Variants in LRRTM4 observed in about 807,000 individuals in gnomAD.
LRRTM4 encodes leucine rich repeat transmembrane neuronal 4.
LRRTM4 carries 25 observed loss-of-function variants against 47.6 expected under a neutral mutation model. That is an observed-to-expected ratio of 0.53 (90% CI 0.38 to 0.73). LRRTM4 has a LOEUF of 0.73. LRRTM4 is among the 30% of genes least tolerant of loss of function. The pLI is 0.00. For synonymous variants in LRRTM4, 311 were observed against 269.5 expected (o/e 1.15, Z -1.51); for missense variants, 638 against 713.4 (o/e 0.89, Z 1.20).
At chr2:77,152,825 T>C (rs1431497017) in intron 3 of LRRTM4, among the ~76,000 whole-genome samples, 1 of 152,126 alleles carries the variant, frequency 6.6e-6, no homozygotes, top group Non-Finnish European at 1.5e-5. Flanking sequence ...CAATTTACAG[T>C]TATATAAATG....
chr2:76,858,495 C>T (rs918686461), intron 3 of LRRTM4, among the ~76,000 whole-genome samples: 6 of 152,042 alleles, frequency 3.9e-5, no homozygotes, highest in South Asian at 2.1e-4. Context: ...CCTAGGTCCT[C>T]GGGGAGGAGT....
chr2:77,003,955 G>T lies in LRRTM4; in HGVS notation c.1552-255039C>A, dbSNP rs1270871187. Reference sequence around the variant, plus strand: ...AAAACTTGTTGGGAGCTGGAACAAAGGTCACTCTTCCTATGCAAAGAAACT... The same window carrying T: ...AAAACTTGTTGGGAGCTGGAACAAATGTCACTCTTCCTATGCAAAGAAACT... On this transcript the variant is annotated intron_variant, in intron 3 of 3. Coordinates refer to ENST00000409884, the MANE Select transcript of LRRTM4 (RefSeq NM_001134745.3). 1.3e-5 allele frequency among the ~76,000 whole-genome samples: 2 copies of T among 152,138 alleles called. 1 individual carries two copies. The highest frequency in any genetic ancestry group is 2.9e-5 in the Non-Finnish European group (2 of 68,010).
At chr2:77,419,549 C>A (rs1473271511) in intron 3 of LRRTM4, among the ~76,000 whole-genome samples, 1 of 151,928 alleles carries the variant, frequency 6.6e-6, no homozygotes, top group East Asian at 1.9e-4. Context: ...GCTTAGGAAA[C>A]AATGACAAGA....
At chr2:77,438,237 G>T (rs1203431646) in intron 3 of LRRTM4, among the ~76,000 whole-genome samples, 2 of 151,946 alleles carry the variant, frequency 1.3e-5, no homozygotes, top group East Asian at 3.9e-4. Context: ...TCTTGATATT[G>T]ATTGTATAAC....
intron 3 of LRRTM4, among the ~76,000 whole-genome samples, chr2:76,873,384 T>C (rs72821234): frequency 3.0e-4 from 45 of 151,472 alleles, no homozygotes; most frequent in Non-Finnish European, 5.2e-4. Flanking sequence ...ACACACATTA[T>C]ATAAATATAT....
intron 3 of LRRTM4, among the ~76,000 whole-genome samples, chr2:76,861,455 T>G (rs116651363): frequency 0.014 from 2,156 of 152,248 alleles, 72 homozygotes; most frequent in African/African-American, 0.048. Context: ...ATCAAAATCA[T>G]CTGGTTAATT....
chr2:77,185,053 T>G (rs1336464295), intron 3 of LRRTM4, among the ~76,000 whole-genome samples: 2 of 152,156 alleles, frequency 1.3e-5, no homozygotes, highest in African/African-American at 2.4e-5. Flanking sequence ...GGACCAAAAT[T>G]AATACTTCTG....
intron 3 of LRRTM4, among the ~76,000 whole-genome samples, chr2:77,242,545 A>G (rs141396944): frequency 6.6e-6 from 1 of 152,170 alleles, no homozygotes; most frequent in African/African-American, 2.4e-5. Flanking sequence ...CAAATGACCA[A>G]TAAGTACATG....
intron 3 of LRRTM4, among the ~76,000 whole-genome samples, chr2:77,292,780 T>C (rs12328844): frequency 0.11 from 16,610 of 150,882 alleles, 1,855 homozygotes; most frequent in African/African-American, 0.28. Context: ...CACACCAGCA[T>C]GGCACATGTA....
At chr2:76,873,255 A>G (rs1358982023) in intron 3 of LRRTM4, among the ~76,000 whole-genome samples, 1 of 151,958 alleles carries the variant, frequency 6.6e-6, no homozygotes, top group Non-Finnish European at 1.5e-5. Context: ...TTTAAAGACA[A>G]GAGGAAACCC....
chr2:77,219,581 A>G (rs1037151150), intron 3 of LRRTM4, among the ~76,000 whole-genome samples: 6 of 152,190 alleles, frequency 3.9e-5, no homozygotes, highest in Non-Finnish European at 7.3e-5. Context: ...CTACAATCAG[A>G]CTAATAAAAG....
chr2:76,774,589 T>C (rs926116827), intron 3 of LRRTM4, among the ~76,000 whole-genome samples: 1 of 152,146 alleles, frequency 6.6e-6, no homozygotes, highest in African/African-American at 2.4e-5. Context: ...ATCCTTATTA[T>C]CTTCACATTG....
At chr2:77,241,009 T>A (rs1675244720) in intron 3 of LRRTM4, among the ~76,000 whole-genome samples, 1 of 151,956 alleles carries the variant, frequency 6.6e-6, no homozygotes, top group Non-Finnish European at 1.5e-5. Flanking sequence ...TACATACATT[T>A]TTAACCAAAT....
chr2:76,810,356 C>T (rs1165895731), intron 3 of LRRTM4, among the ~76,000 whole-genome samples: 1 of 152,046 alleles, frequency 6.6e-6, no homozygotes, highest in Non-Finnish European at 1.5e-5. Context: ...TATGCTTCCA[C>T]CAAAAGAATA....
intron 3 of LRRTM4, among the ~76,000 whole-genome samples, chr2:76,835,957 C>G (rs542822111): frequency 2.6e-5 from 4 of 152,088 alleles, no homozygotes; most frequent in African/African-American, 9.6e-5. Flanking sequence ...TCTTGAATTT[C>G]TAAATGATAG....
chr2:77,231,289 G>A (rs1393891330), intron 3 of LRRTM4, among the ~76,000 whole-genome samples: 3 of 151,620 alleles, frequency 2.0e-5, no homozygotes, highest in Non-Finnish European at 4.4e-5. Context: ...GCAATGTTTG[G>A]CAATATGATC....
chr2:76,820,802 G>C, intron 3 of LRRTM4, among the ~76,000 whole-genome samples: 1 of 151,812 alleles, frequency 6.6e-6, no homozygotes, highest in Non-Finnish European at 1.5e-5. Flanking sequence ...AAAAAACTGT[G>C]AATAGTGTTA....
chr2:77,456,956 T>G (rs1455326572), intron 3 of LRRTM4, among the ~76,000 whole-genome samples: 2 of 117,506 alleles, frequency 1.7e-5, no homozygotes, highest in South Asian at 5.9e-4. Flanking sequence ...AAATTCAAAT[T>G]ATATTATATT....
chr2:76,920,326 C>G (rs148480860), intron 3 of LRRTM4, among the ~76,000 whole-genome samples: 20 of 152,266 alleles, frequency 1.3e-4, no homozygotes, highest in African/African-American at 4.8e-4. Context: ...TAAATCCTAG[C>G]TTTCCAGTAG....
Sources: allele counts gnomAD v4.1 joint callset (sites outside exome capture counted in the v4.1 genomes callset), GRCh38; gene constraint gnomAD v4.1.1; transcripts MANE v1.5; gene names NCBI Gene and HGNC (gene_info 2026-07-23, HGNC 2026-07-21).